The following SLC17A8 variants were observed in gnomAD, a reference collection of about 807,000 sequenced individuals.
The protein encoded by SLC17A8 is solute carrier family 17 member 8.
Under a neutral mutation model 58.0 loss-of-function variants are expected in SLC17A8, and 31 were observed. The observed-to-expected ratio is 0.53, with a 90% CI of 0.40 to 0.72. SLC17A8 has a LOEUF of 0.72. Among genes scored for constraint, SLC17A8 ranks in the 30% least tolerant of loss-of-function variants. SLC17A8 has a pLI of 0.00. For synonymous variants in SLC17A8, 228 were observed against 249.0 expected (o/e 0.92, Z 0.79); for missense variants, 655 against 727.8 (o/e 0.90, Z 1.15).
At chr12:100,359,292 T>G (rs1268407680) in intron 1 of SLC17A8, among the ~76,000 whole-genome samples, 1 of 152,206 alleles carries the variant, frequency 6.6e-6, no homozygotes, top group Non-Finnish European at 1.5e-5. Flanking sequence ...TTGTGAAATT[T>G]GATTGCTTTT....
At chr12:100,383,949 C>A (rs138465654) in intron 2 of SLC17A8, among the ~76,000 whole-genome samples, 34 of 152,286 alleles carry the variant, frequency 2.2e-4, no homozygotes, top group African/African-American at 7.7e-4. Context: ...AAGGGATCCT[C>A]CTGCCTTGGT....
At chr12:100,385,366 G>T (rs2135990292) in intron 2 of SLC17A8, among the ~76,000 whole-genome samples, 1 of 150,574 alleles carries the variant, frequency 6.6e-6, no homozygotes, top group Non-Finnish European at 1.5e-5. Context: ...CTATCAAGTA[G>T]CTGGGATTAC....
chr12:100,357,317 C>T lies in SLC17A8; in HGVS notation c.-75C>T. The T allele has an allele frequency of 1.2e-6, 1 of 867,372 alleles. No homozygotes were observed. Among genetic ancestry groups the T allele is most frequent in the Non-Finnish European group, 2.0e-6 (1 of 499,468 alleles). 53.7% of individuals were successfully genotyped at this position (867,372 alleles called of 1,614,324 possible). ...GTTCACCAAGGGAAACAAGGTGGTT[C>T]TCACACTGGAAATGAGGAAGGATGA... is the stretch of plus-strand genomic sequence containing the variant. On this transcript the variant is annotated 5_prime_UTR_variant, in exon 1 of 12. Coordinates refer to ENST00000323346, the MANE Select transcript of SLC17A8 (RefSeq NM_139319.3).
Position 100,412,592 on chromosome 12 carries a change from TAAAA to T in SLC17A8, c.1187-162_1187-159del, listed in dbSNP as rs57500563. ...TAAATCCCAGAACTTCAAGTAAAGT[TAAAA>T]AAAAAAAAAAAAAAACTTAAATTCC... On this transcript the variant is annotated intron_variant, in intron 9 of 11. Coordinates refer to ENST00000323346, the MANE Select transcript of SLC17A8 (RefSeq NM_139319.3). Among the ~76,000 whole-genome samples, 7 of 72,082 alleles carry T rather than the reference TAAAA, an allele frequency of 9.7e-5. No homozygotes were observed. The East Asian group carries it at 2.4e-3, about 24-fold the overall frequency. The allele number at this position is 72,082 out of a possible 152,430, so 47.3% of individuals were successfully genotyped here.
intron 8 of SLC17A8, among the ~76,000 whole-genome samples, chr12:100,403,335 G>T (rs1952804974): frequency 6.6e-6 from 1 of 152,104 alleles, no homozygotes; most frequent in African/African-American, 2.4e-5. Context: ...TGGGCGTAGT[G>T]ATGCACACCT....
chr12:100,380,985 T>G, intron 2 of SLC17A8, 32 bp downstream of exon 2: 1 of 1,613,066 alleles, frequency 6.2e-7, no homozygotes, highest in Non-Finnish European at 8.5e-7. Context: ...AAGACTTTTC[T>G]TTTTGAGACA....
Position 100,368,611 on chromosome 12 carries a change from C to T in SLC17A8, c.101+11119C>T, listed in dbSNP as rs142156933. ...ATCTAGTACATTCAGGATCCATTCC[C>T]GGGCATACTTTCCTGCTTCTTGATG... On this transcript the variant is annotated intron_variant, in intron 1 of 11. Transcript: ENST00000323346. Among the ~76,000 whole-genome samples, 105 of 152,220 alleles carry T rather than the reference C, an allele frequency of 6.9e-4. No individual in the cohort carries two copies. The Middle Eastern group carries it at 0.014, about 20-fold the overall frequency.
intron 1 of SLC17A8, among the ~76,000 whole-genome samples, chr12:100,379,717 G>T (rs1263670979): frequency 6.6e-6 from 1 of 151,772 alleles, no homozygotes; most frequent in African/African-American, 2.4e-5. Flanking sequence ...TTTTTTAAAA[G>T]AAGAGATAAA....
At chr12:100,406,460 C>T (rs557345591) in intron 9 of SLC17A8, among the ~76,000 whole-genome samples, 7 of 151,568 alleles carry the variant, frequency 4.6e-5, no homozygotes, top group Non-Finnish European at 8.8e-5. Flanking sequence ...CAGGCCTTGT[C>T]GGCGTATGCA....
intron 1 of SLC17A8, among the ~76,000 whole-genome samples, chr12:100,372,801 G>A (rs952898414): frequency 1.4e-4 from 22 of 152,290 alleles, no homozygotes; most frequent in African/African-American, 5.3e-4. Flanking sequence ...CTGGGCTCAA[G>A]GGATCCTCCT....
rs1424327048 is a variant in SLC17A8 at position 100,420,318 on chromosome 12, T to C, written c.*159T>C. ...AGAGAAATATTATCTTTCAATGACA[T>C]GTATAGGTAAGGAGCTGCGCTCAGT... On this transcript the variant is annotated 3_prime_UTR_variant, in exon 12 of 12. Coordinates refer to ENST00000323346, the MANE Select transcript of SLC17A8 (RefSeq NM_139319.3). 1 of 639,224 alleles carries C rather than the reference T, an allele frequency of 1.6e-6. No homozygotes were observed. Among genetic ancestry groups the C allele is most frequent in the Non-Finnish European group, 2.7e-6 (1 of 363,914 alleles). 39.6% of individuals were successfully genotyped at this position (639,224 alleles called of 1,614,324 possible).
At chr12:100,370,297 T>A (rs1245505660) in intron 1 of SLC17A8, among the ~76,000 whole-genome samples, 1 of 151,856 alleles carries the variant, frequency 6.6e-6, no homozygotes, top group African/African-American at 2.4e-5. Context: ...TATTTTTTAT[T>A]TTTTATTTTT....
At chr12:100,387,370 A>T (rs914481903) in intron 2 of SLC17A8, among the ~76,000 whole-genome samples, 1 of 152,190 alleles carries the variant, frequency 6.6e-6, no homozygotes, top group African/African-American at 2.4e-5. Context: ...CCGCCTCTTC[A>T]TGTAGATATT....
chr12:100,414,006 TA>T (rs1236589404), intron 10 of SLC17A8, among the ~76,000 whole-genome samples: 1 of 151,946 alleles, frequency 6.6e-6, no homozygotes, highest in African/African-American at 2.4e-5. Context: ...AAAATAAAAA[TA>T]AAAAATGGTT....
chr12:100,402,860 G>T (rs1049129531), intron 8 of SLC17A8, 115 bp downstream of exon 8: 20 of 1,074,476 alleles, frequency 1.9e-5, no homozygotes, highest in Admixed American at 7.5e-5. Context: ...ACAGTTCTGT[G>T]ACACCTAATA....
chr12:100,390,254 C>A (rs959301791), intron 2 of SLC17A8, among the ~76,000 whole-genome samples: 2 of 152,074 alleles, frequency 1.3e-5, no homozygotes, highest in East Asian at 3.9e-4. Flanking sequence ...TGTGAGTCAC[C>A]ATGACCATTA....
In SLC17A8 at chr12:100,418,131, T is replaced by C. The variant is rs772471335; in HGVS notation, c.1400T>C (p.Ile467Thr). Residue 467 changes from isoleucine to threonine, a missense_variant, in exon 11 of 12, where the codon ATT (isoleucine) becomes ACT (threonine). Transcript: ENST00000323346. ...CTCTCTGGAATGGTCTGTCCCCTCATTGTCGGTGCAATGACCAGGCACAAG... is the reference window on the plus strand; with the variant it reads ...CTCTCTGGAATGGTCTGTCCCCTCACTGTCGGTGCAATGACCAGGCACAAG... ...GTLSGMVCPL[I>T]VGAMTRHKTR... 1.7e-5 allele frequency: 28 copies of C among 1,613,982 alleles called. No individual in the cohort carries two copies. The highest frequency in any genetic ancestry group is 2.2e-5 in the Non-Finnish European group (26 of 1,179,994).
At chr12:100,393,192 G>A (rs914281303) in intron 3 of SLC17A8, among the ~76,000 whole-genome samples, 177 bp from the exon 4 acceptor site, 1 of 152,190 alleles carries the variant, frequency 6.6e-6, no homozygotes, top group Non-Finnish European at 1.5e-5. Context: ...TCAAACTCCT[G>A]ACCTCAGGTG....
In SLC17A8 at chr12:100,370,213, C is replaced by T. The variant is rs1952549687; in HGVS notation, c.102-10488C>T. On this transcript the variant is annotated intron_variant, in intron 1 of 11. Transcript: ENST00000323346. ...AAGCAATCCTCTCACCTTGGCCTCC[C>T]AAAGTTCCAGGATTACAGGTGTGAG... Among the ~76,000 whole-genome samples, 4 of 152,130 alleles carry T rather than the reference C, an allele frequency of 2.6e-5. No homozygotes were observed. In the South Asian group the frequency reaches 8.3e-4, roughly 32 times the overall value.
Sources: allele counts gnomAD v4.1 joint callset (sites outside exome capture counted in the v4.1 genomes callset), GRCh38; gene constraint gnomAD v4.1.1; transcripts MANE v1.5; gene names NCBI Gene and HGNC (gene_info 2026-07-23, HGNC 2026-07-21).